Variants in NFATC2 observed in about 807,000 individuals in gnomAD.
NFATC2 encodes the protein nuclear factor of activated T cells 2.
In NFATC2, 22 loss-of-function variants were observed where a neutral mutation model predicts 87.3. The observed-to-expected ratio is 0.25, with a 90% CI of 0.18 to 0.36. The LOEUF (loss-of-function observed/expected upper bound fraction) is 0.36, where lower values mean the gene tolerates loss of function less well. Ranked by LOEUF, NFATC2 falls within the 10% of genes least tolerant of loss-of-function variation. The pLI is 1.00. For missense variants in NFATC2, 1,149 were observed against 1,259.1 expected, an observed-to-expected ratio of 0.91 and a Z score of 1.32; for synonymous variants, 565 against 542.2, an observed-to-expected ratio of 1.04 and a Z score of -0.58.
At position 51,398,563 on chromosome 20, in the gene NFATC2, CT is replaced by C. The variant is rs1987577393; in HGVS notation, c.*44+79del. 2.2e-5 allele frequency: 20 copies of C among 889,506 alleles called. No individual in the cohort carries two copies. In the East Asian group the frequency reaches 5.9e-4, roughly 26 times the overall value. 55.1% of individuals were successfully genotyped at this position (889,506 alleles called of 1,614,324 possible). Reference sequence around the variant, plus strand: ...CTTCAGCCTGTCAAGTTTTCTTATACTTTACTTAAAAAAAAAAAAATTCAAG... The same window carrying C: ...CTTCAGCCTGTCAAGTTTTCTTATACTTACTTAAAAAAAAAAAAATTCAAG... On this transcript the variant is annotated intron_variant, in intron 10 of 10. Transcript: ENST00000371564.
chr20:51,507,591 C>G (rs1462575095), intron 3 of NFATC2, among the ~76,000 whole-genome samples: 1 of 152,244 alleles, frequency 6.6e-6, no homozygotes, highest in Non-Finnish European at 1.5e-5. Context: ...AATAGCCTGA[C>G]AGACGTAAGT....
intron 7 of NFATC2, 82 bp downstream of exon 7, chr20:51,435,624 G>A (rs1983444516): frequency 6.9e-7 from 1 of 1,444,078 alleles, no homozygotes; most frequent in Admixed American, 2.0e-5. Context: ...CACTGATGAA[G>A]GAAGGAGGGA....
chr20:51,481,767 C>T (rs184784644), intron 3 of NFATC2, among the ~76,000 whole-genome samples: 3 of 152,222 alleles, frequency 2.0e-5, no homozygotes, highest in Admixed American at 6.5e-5. Flanking sequence ...CTTGAAAAAC[C>T]GGATCTGAGG....
chr20:51,502,765 T>C (rs1032050712), intron 3 of NFATC2, among the ~76,000 whole-genome samples: 2 of 152,212 alleles, frequency 1.3e-5, no homozygotes, highest in African/African-American at 4.8e-5. Flanking sequence ...TAATCAATAT[T>C]CACCTGATAC....
chr20:51,418,659 G>GTTTTT (rs752511466), intron 9 of NFATC2, among the ~76,000 whole-genome samples: 23 of 125,110 alleles, frequency 1.8e-4, no homozygotes, highest in East Asian at 4.6e-4. Context: ...TGTTTGTTTG[G>GTTTTT]TTTTTTTTTT....
chr20:51,411,185 C>G (rs1016270639), intron 9 of NFATC2, among the ~76,000 whole-genome samples: 1 of 152,156 alleles, frequency 6.6e-6, no homozygotes, highest in Non-Finnish European at 1.5e-5. Context: ...CAAAGGGCCT[C>G]GATCAGAGTT....
At chr20:51,506,691 A>G (rs2076187714) in intron 3 of NFATC2, among the ~76,000 whole-genome samples, 1 of 152,194 alleles carries the variant, frequency 6.6e-6, no homozygotes, top group Admixed American at 6.5e-5. Context: ...AGCTGGTGAC[A>G]CGGACACTCC....
At position 51,523,619 on chromosome 20, in the gene NFATC2, T is replaced by A; in HGVS notation, c.622A>T (p.Ile208Phe). Reference sequence around the variant, plus strand: ...GTTCTGGGGGAATAATGAGCAGGGATGTTTTGAAACTGCGGACACAGGTCG... The same window carrying A: ...GTTCTGGGGGAATAATGAGCAGGGAAGTTTTGAAACTGCGGACACAGGTCG... ...PDDLCPQFQN[I>F]PAHYSPRTSP... The change falls in exon 2 of 11, where the codon ATC becomes TTC. Residue 208 changes from isoleucine to phenylalanine, a missense_variant. Physicochemically the swap from Ile to Phe is conservative, Grantham distance 21. Around this residue, in one of 3 missense-constraint regions of NFATC2, gnomAD observed 563 missense variants for 585.2 expected, o/e 0.96. Coordinates refer to ENST00000371564, the MANE Select transcript of NFATC2 (RefSeq NM_012340.5). The surrounding 1 kb of genome is among the most constrained non-coding windows in gnomAD (Gnocchi z 6.9). 1 of 1,613,768 alleles carries A rather than the reference T, an allele frequency of 6.2e-7. No homozygotes were observed. The highest frequency in any genetic ancestry group is 8.5e-7 in the Non-Finnish European group (1 of 1,179,840).
At chr20:51,481,588 T>G (rs1297972947) in intron 3 of NFATC2, among the ~76,000 whole-genome samples, 2 of 152,074 alleles carry the variant, frequency 1.3e-5, no homozygotes, top group African/African-American at 4.8e-5. Flanking sequence ...AAGGGCTGAA[T>G]GCACGGGAGG....
intron 1 of NFATC2, among the ~76,000 whole-genome samples, chr20:51,560,191 T>C (rs771720160): frequency 5.3e-5 from 8 of 152,224 alleles, no homozygotes; most frequent in South Asian, 2.1e-4. Context: ...TTTTACCTCA[T>C]TGAATCTCAT....
At chr20:51,398,546 T>C in intron 10 of NFATC2, 97 bp downstream of exon 10, 1 of 745,210 alleles carries the variant, frequency 1.3e-6, no homozygotes. Context: ...GCCTTCAGCC[T>C]GTCAAGTTTT....
At chr20:51,485,199 G>A (rs1350366627) in intron 3 of NFATC2, among the ~76,000 whole-genome samples, 2 of 152,196 alleles carry the variant, frequency 1.3e-5, no homozygotes, top group Non-Finnish European at 2.9e-5. Context: ...CAGAGACAAG[G>A]CACATTAGCC....
chr20:51,487,201 C>T (rs1989783579), intron 3 of NFATC2, among the ~76,000 whole-genome samples: 1 of 152,196 alleles, frequency 6.6e-6, no homozygotes, highest in Non-Finnish European at 1.5e-5. Context: ...CAAGAGACGG[C>T]AACTGGGGAA....
In NFATC2 at chr20:51,412,595, T is replaced by C. The variant is rs189272112; in HGVS notation, c.2723-13865A>G. On this transcript the variant is annotated intron_variant, in intron 9 of 10. Coordinates refer to ENST00000371564, the MANE Select transcript of NFATC2 (RefSeq NM_012340.5). ...CAGCAGGAGGGAGGCCCCGCTGGCCTGGTCGGGAGCACCCTGGCCAGGCCA... is the reference window on the plus strand; with the variant it reads ...CAGCAGGAGGGAGGCCCCGCTGGCCCGGTCGGGAGCACCCTGGCCAGGCCA... Among the ~76,000 whole-genome samples, 409 of 152,278 alleles carry C rather than the reference T, an allele frequency of 2.7e-3. 3 individuals carry two copies. Among genetic ancestry groups the C allele is most frequent in the African/African-American group, 9.2e-3 (384 of 41,562 alleles).
Position 51,552,512 on chromosome 20 carries a change from C to G in NFATC2, c.70+10048G>C, listed in dbSNP as rs192496258. Among the ~76,000 whole-genome samples the G allele has an allele frequency of 1.7e-4, 26 of 152,168 alleles. No individual in the cohort carries two copies. In the East Asian group the frequency reaches 3.7e-3, roughly 21 times the overall value. ...ATCTCCTACAGAGTCTTTTAAAGCC[C>G]GAAGAGGACTTCTCTGTTGTGAGAA... On this transcript the variant is annotated intron_variant, in intron 1 of 10. Transcript: ENST00000414705.
intron 3 of NFATC2, among the ~76,000 whole-genome samples, chr20:51,489,258 G>A (rs993152730): frequency 1.3e-5 from 2 of 151,122 alleles, no homozygotes; most frequent in African/African-American, 2.5e-5. Context: ...GGTGAGGGGG[G>A]CCCCTTTGGC....
At chr20:51,437,490 T>C (rs1983745793) in intron 6 of NFATC2, among the ~76,000 whole-genome samples, 1 of 152,216 alleles carries the variant, frequency 6.6e-6, no homozygotes, top group Non-Finnish European at 1.5e-5. Context: ...CTGTGATTGC[T>C]TAGGTTTGAA....
At chr20:51,547,686 G>A (rs1046603133), upstream of NFATC2, among the ~76,000 whole-genome samples, 3 of 152,162 alleles carry the variant, frequency 2.0e-5, no homozygotes, top group African/African-American at 7.2e-5. Context: ...AGCTGTTCCT[G>A]CCTCACTGTG....
chr20:51,431,034 T>A (rs1361080763), intron 9 of NFATC2, among the ~76,000 whole-genome samples: 1 of 152,208 alleles, frequency 6.6e-6, no homozygotes, highest in Non-Finnish European at 1.5e-5. Flanking sequence ...AACAGTGTCA[T>A]GGGCTTTGCA....
Sources: allele counts gnomAD v4.1 joint callset (sites outside exome capture counted in the v4.1 genomes callset), GRCh38; gene constraint gnomAD v4.1.1; regional missense constraint gnomAD v4.1.1; non-coding constraint Gnocchi (gnomAD v3.1); transcripts MANE v1.5; gene names NCBI Gene and HGNC (gene_info 2026-07-23, HGNC 2026-07-21).